Variants in ME1 observed in about 807,000 individuals in gnomAD.
ME1 encodes the protein malic enzyme 1.
In ME1, 74 loss-of-function variants were observed where a neutral mutation model predicts 66.4. The observed-to-expected ratio is 1.11, with a 90% confidence interval of 0.92 to 1.35. ME1 has a LOEUF of 1.35. Among genes scored for constraint, ME1 ranks in the 40% most tolerant of loss-of-function variants. The pLI is 0.00. For missense variants in ME1, 750 were observed against 694.1 expected (o/e 1.08, Z -0.90); for synonymous variants, 251 against 235.6 (o/e 1.07, Z -0.60).
intron 9 of ME1, among the ~76,000 whole-genome samples, chr6:83,233,324 TA>T (rs961221463): frequency 6.6e-6 from 1 of 152,072 alleles, no homozygotes; most frequent in African/African-American, 2.4e-5. Context: ...TTTTCCACTA[TA>T]AAAAACTAAA....
intron 5 of ME1, among the ~76,000 whole-genome samples, chr6:83,322,644 T>C (rs954903653): frequency 2.0e-5 from 3 of 151,964 alleles, no homozygotes; most frequent in African/African-American, 4.8e-5. Context: ...TTCCAAGAAA[T>C]ATGGGACTAT....
Position 83,211,935 on chromosome 6 carries a change from C to A in ME1, c.1708G>T (p.Val570Phe). ...PEEVQKIQTK[V>F]DQ ...TGTTTGCTATTATCCTACTGGTCAA[C>A]TTTGGTCTGTATTTTCTGCACCTCT... The change falls in exon 14 of 14, where the codon GTT becomes TTT. Residue 570 changes from valine (V) to phenylalanine (F), a missense_variant. Transcript: ENST00000369705. 1 of 1,594,302 alleles carries A rather than the reference C, an allele frequency of 6.3e-7. No individual in the cohort carries two copies. Among genetic ancestry groups the A allele is most frequent in the Non-Finnish European group, 8.6e-7 (1 of 1,169,182 alleles).
chr6:83,319,100 C>T (rs1261446943), intron 5 of ME1, among the ~76,000 whole-genome samples: 3 of 148,382 alleles, frequency 2.0e-5, no homozygotes, highest in African/African-American at 7.5e-5. Flanking sequence ...GGGAACTGAA[C>T]AATGAGAACA....
intron 12 of ME1, 52 bp from the exon 13 acceptor site, chr6:83,216,648 T>C: frequency 8.1e-7 from 1 of 1,229,786 alleles, no homozygotes; most frequent in Non-Finnish European, 1.2e-6. Context: ...CGATACAATG[T>C]GGTGGGTACG....
chr6:83,227,354 TG>T lies in ME1; in HGVS notation c.1255del (p.Gln419SerfsTer5). The T allele has an allele frequency of 6.4e-7, 1 of 1,570,472 alleles. No individual in the cohort carries two copies. Among genetic ancestry groups the T allele is most frequent in the Non-Finnish European group, 8.7e-7 (1 of 1,153,834 alleles). On this transcript the variant is annotated frameshift_variant, in exon 11 of 14. Coordinates refer to ENST00000369705, the MANE Select transcript of ME1 (RefSeq NM_002395.6). LOFTEE classifies it high-confidence loss of function. Reference sequence around the variant, plus strand: ...CTTTACCTTGGTTATTTTGTAGCACTGCTCTGCAGAACATTCTGCTTTGCTA... The same window carrying T: ...CTTTACCTTGGTTATTTTGTAGCACTCTCTGCAGAACATTCTGCTTTGCTA... ...PTSKAECSAE[Q>X]CYKITKGRAI...
At chr6:83,362,743 G>A (rs773841090) in intron 3 of ME1, among the ~76,000 whole-genome samples, 1 of 152,220 alleles carries the variant, frequency 6.6e-6, no homozygotes, top group African/African-American at 2.4e-5. Flanking sequence ...CTTTGGATAT[G>A]AGTTTGCCTA....
At chr6:83,330,004 G>C (rs927365545) in intron 5 of ME1, among the ~76,000 whole-genome samples, 16 of 152,022 alleles carry the variant, frequency 1.1e-4, no homozygotes, top group Non-Finnish European at 2.2e-4. Context: ...AATTTTTGCA[G>C]AGACAAGGTC....
At chr6:83,404,792 G>C (rs1769907505) in intron 2 of ME1, among the ~76,000 whole-genome samples, 1 of 152,132 alleles carries the variant, frequency 6.6e-6, no homozygotes, top group Non-Finnish European at 1.5e-5. Flanking sequence ...GTTTTTGTCA[G>C]GTTTATCAAA....
At chr6:83,305,476 T>A (rs112962620) in intron 6 of ME1, among the ~76,000 whole-genome samples, 1 of 152,114 alleles carries the variant, frequency 6.6e-6, no homozygotes, top group East Asian at 1.9e-4. Flanking sequence ...AGCTAATATA[T>A]GAAAAAGATT....
At chr6:83,397,363 G>A (rs1347544041) in intron 3 of ME1, among the ~76,000 whole-genome samples, 2 of 152,094 alleles carry the variant, frequency 1.3e-5, no homozygotes, top group Non-Finnish European at 2.9e-5. Context: ...TGACCTACAG[G>A]TTTATGAAAA....
chr6:83,319,051 GA>G (rs1768097930), intron 5 of ME1, among the ~76,000 whole-genome samples: 1 of 149,040 alleles, frequency 6.7e-6, no homozygotes, highest in South Asian at 2.1e-4. Context: ...ACTATTGCAA[GA>G]ACAAAAAACC....
At chr6:83,222,471 A>T (rs537437010) in intron 12 of ME1, among the ~76,000 whole-genome samples, 106 of 152,376 alleles carry the variant, frequency 7.0e-4, no homozygotes, top group Non-Finnish European at 1.1e-3. Context: ...AAATATTTGA[A>T]TATCAATCAA....
chr6:83,349,983 T>C (rs1768766382), intron 4 of ME1, among the ~76,000 whole-genome samples: 1 of 152,354 alleles, frequency 6.6e-6, no homozygotes, highest in Non-Finnish European at 1.5e-5. Flanking sequence ...GTTTCAACTT[T>C]GCTAGAAAAG....
intron 1 of ME1, among the ~76,000 whole-genome samples, chr6:83,418,732 T>C (rs1401097708): frequency 2.4e-4 from 36 of 152,206 alleles, no homozygotes; most frequent in Admixed American, 2.4e-3. Context: ...GTATGATCCA[T>C]AGTCTCATTA....
At chr6:83,283,227 C>CAAAAAAAAAAAAAAAAAAAAAAAAA (rs71545854) in intron 6 of ME1, among the ~76,000 whole-genome samples, 11 of 28,900 alleles carry the variant, frequency 3.8e-4, no homozygotes, top group African/African-American at 5.5e-4. Flanking sequence ...GACTCCGTCT[C>CAAAAAAAAAAAAAAAAAAAAAAAAA]AAAAAAAAAA....
At chr6:83,349,542 C>T (rs150831147) in intron 4 of ME1, among the ~76,000 whole-genome samples, 64 of 152,312 alleles carry the variant, frequency 4.2e-4, no homozygotes, top group African/African-American at 1.5e-3. Context: ...CTCCTGAACA[C>T]ACAAAGATAC....
At chr6:83,427,479 T>G (rs754832597) in intron 1 of ME1, among the ~76,000 whole-genome samples, 1 of 152,182 alleles carries the variant, frequency 6.6e-6, no homozygotes, top group South Asian at 2.1e-4. Flanking sequence ...TTCAGCATAC[T>G]ATATAATGGC....
chr6:83,216,912 A>AAAAG (rs1562449059), intron 12 of ME1, among the ~76,000 whole-genome samples: 1 of 152,190 alleles, frequency 6.6e-6, no homozygotes, highest in Non-Finnish European at 1.5e-5. Flanking sequence ...AAGGGAAAAG[A>AAAAG]AAAGAAAGAA....
chr6:83,311,053 C>T (rs372321407), intron 6 of ME1, among the ~76,000 whole-genome samples: 27 of 152,228 alleles, frequency 1.8e-4, no homozygotes, highest in African/African-American at 6.3e-4. Flanking sequence ...AGTGGCCTTC[C>T]CCTTCTTTCT....
Sources: allele counts gnomAD v4.1 joint callset (sites outside exome capture counted in the v4.1 genomes callset), GRCh38; gene constraint gnomAD v4.1.1; transcripts MANE v1.5; gene names NCBI Gene and HGNC (gene_info 2026-07-23, HGNC 2026-07-21).